FREM2: variants seen among roughly 807,000 people sequenced by gnomAD.
The protein encoded by FREM2 is FRAS1-related extracellular matrix protein 2.
In FREM2, 119 loss-of-function variants were observed where a neutral mutation model predicts 219.9. The observed-to-expected ratio is 0.54, with a 90% CI of 0.47 to 0.63. The LOEUF (loss-of-function observed/expected upper bound fraction) is 0.63. FREM2 is among the 30% of genes least tolerant of loss of function. The pLI is 0.00. For synonymous variants in FREM2, 1,562 were observed against 1,522.8 expected, an observed-to-expected ratio of 1.03 and a Z score of -0.60; for missense variants, 4,030 against 3,993.6, an observed-to-expected ratio of 1.01 and a Z score of -0.25.
chr13:38,838,588 C>T (rs1315240278), intron 6 of FREM2, among the ~76,000 whole-genome samples: 1 of 152,204 alleles, frequency 6.6e-6, no homozygotes, highest in African/African-American at 2.4e-5. Context: ...CCATCACTTT[C>T]AGGTACACCA....
chr13:38,711,828 T>C (rs528233141), intron 2 of FREM2, among the ~76,000 whole-genome samples: 3 of 152,138 alleles, frequency 2.0e-5, no homozygotes, highest in Non-Finnish European at 4.4e-5. Flanking sequence ...AACACTTTGT[T>C]ATTAATATCC....
chr13:38,695,960 A>G (rs1052929934), intron 1 of FREM2, among the ~76,000 whole-genome samples: 12 of 152,182 alleles, frequency 7.9e-5, no homozygotes, highest in Admixed American at 2.6e-4. Flanking sequence ...AAAGATAACC[A>G]TACAGAAAGA....
At chr13:38,709,856 A>G (rs1459714373) in intron 2 of FREM2, among the ~76,000 whole-genome samples, 2 of 151,994 alleles carry the variant, frequency 1.3e-5, no homozygotes, top group Non-Finnish European at 2.9e-5. Flanking sequence ...TCTTAACATC[A>G]GTGATGGCCG....
At chr13:38,799,824 A>G (rs1874940860) in intron 6 of FREM2, among the ~76,000 whole-genome samples, 1 of 152,032 alleles carries the variant, frequency 6.6e-6, no homozygotes, top group Non-Finnish European at 1.5e-5. Flanking sequence ...TGCTTGGAAT[A>G]TCTTTTTCCT....
chr13:38,853,086 G>GGGAGGCCAAGGCGGGT (rs1877431340), intron 11 of FREM2, among the ~76,000 whole-genome samples: 2 of 151,932 alleles, frequency 1.3e-5, no homozygotes, highest in African/African-American at 4.8e-5. Flanking sequence ...CCAGCACTTT[G>GGGAGGCCAAGGCGGGT]GGAGGCCAAG....
chr13:38,884,426 T>C lies in FREM2; in HGVS notation c.*3639T>C, dbSNP rs1878658867. 6.6e-6 allele frequency: 1 copy of C among 152,228 alleles called. No individual in the cohort carries two copies. The highest frequency in any genetic ancestry group is 2.1e-4 in the South Asian group (1 of 4,838). The allele number at this position is 152,228 out of a possible 1,614,324, so 9.4% of individuals were successfully genotyped here. On this transcript the variant is annotated 3_prime_UTR_variant, in exon 24 of 24. Coordinates refer to ENST00000280481, the MANE Select transcript of FREM2 (RefSeq NM_207361.6). The stretch of plus-strand genomic sequence containing the variant: ...GAGCTAAATACAATGACATTTGCTT[T>C]TAAAAGGTGGATATTTTATTTCTGC...
intron 2 of FREM2, among the ~76,000 whole-genome samples, chr13:38,724,431 A>T (rs1287928833): frequency 1.3e-5 from 2 of 152,198 alleles, no homozygotes; most frequent in African/African-American, 4.8e-5. Context: ...GGGATGTGGT[A>T]TTAGATTTAA....
chr13:38,848,810 G>A, intron 8 of FREM2, 140 bp downstream of exon 8: 1 of 783,084 alleles, frequency 1.3e-6, no homozygotes, highest in Non-Finnish European at 2.0e-6. Context: ...TGTCGGGGTG[G>A]CTTAAATAAC....
chr13:38,859,165 G>A, intron 13 of FREM2, 122 bp from the exon 14 acceptor site: 1 of 928,988 alleles, frequency 1.1e-6, no homozygotes, highest in South Asian at 1.4e-5. Flanking sequence ...TTCGGAAGCT[G>A]TATAAACAGC....
chr13:38,722,122 A>G (rs1022271771), intron 2 of FREM2, among the ~76,000 whole-genome samples: 3 of 151,792 alleles, frequency 2.0e-5, no homozygotes, highest in African/African-American at 7.3e-5. Context: ...TGGGCTCAAG[A>G]GATCTTCCTG....
In FREM2 at chr13:38,692,162, T is replaced by C; in HGVS notation, c.4818T>C (p.His1606=). 1 of 1,614,186 alleles carries C rather than the reference T, an allele frequency of 6.2e-7. No individual in the cohort carries two copies. The highest frequency in any genetic ancestry group is 1.1e-5 in the South Asian group (1 of 91,074). The part of the protein sequence containing the change: ...DLNENLISYK[H]DGTESSEDSF... Reference sequence around the variant, plus strand: ...ATGAAAACTTAATCAGCTACAAACATGATGGCACTGAGTCAAGTGAAGATA... The same window carrying C: ...ATGAAAACTTAATCAGCTACAAACACGATGGCACTGAGTCAAGTGAAGATA... Residue 1606 remains histidine, a synonymous_variant, in exon 1 of 24, where the codon CAT becomes CAC. Coordinates refer to ENST00000280481, the MANE Select transcript of FREM2 (RefSeq NM_207361.6).
chr13:38,729,906 T>C (rs1871695362), intron 2 of FREM2, among the ~76,000 whole-genome samples: 1 of 152,236 alleles, frequency 6.6e-6, no homozygotes, highest in Non-Finnish European at 1.5e-5. Context: ...ACTTGATTTC[T>C]TCCATATTTT....
intron 16 of FREM2, among the ~76,000 whole-genome samples, chr13:38,866,592 G>A (rs1424241198): frequency 6.6e-6 from 1 of 151,894 alleles, no homozygotes; most frequent in Non-Finnish European, 1.5e-5. Flanking sequence ...CGCTTGAACT[G>A]GGAGGCGGAG....
chr13:38,866,941 T>G (rs1877991067), intron 16 of FREM2, among the ~76,000 whole-genome samples: 1 of 152,230 alleles, frequency 6.6e-6, no homozygotes. Flanking sequence ...TCTACTGTGT[T>G]CATTCTTCAA....
At chr13:38,732,604 C>G (rs1384410666) in intron 2 of FREM2, among the ~76,000 whole-genome samples, 1 of 152,182 alleles carries the variant, frequency 6.6e-6, no homozygotes, top group Non-Finnish European at 1.5e-5. Flanking sequence ...AAATCAGACA[C>G]AACTGGGTTG....
At chr13:38,840,733 C>T (rs867434319) in intron 6 of FREM2, among the ~76,000 whole-genome samples, 168 of 109,736 alleles carry the variant, frequency 1.5e-3, no homozygotes, top group African/African-American at 5.3e-3. Context: ...TATATATATA[C>T]ACACACACAC....
chr13:38,822,682 G>T (rs1379985025), intron 6 of FREM2, among the ~76,000 whole-genome samples: 1 of 151,960 alleles, frequency 6.6e-6, no homozygotes, highest in South Asian at 2.1e-4. Flanking sequence ...CTGTGATGTT[G>T]GTCCTCAACA....
rs369588914 is a variant in FREM2, at chr13:38,692,438, T to C, written c.5094T>C (p.Phe1698=). 72 of 1,613,794 alleles carry C rather than the reference T, an allele frequency of 4.5e-5. No individual in the cohort carries two copies. The highest frequency in any genetic ancestry group is 5.9e-5 in the Non-Finnish European group (70 of 1,179,968). ...DRDSLHISLR[F]IVTEAPQHGY... is the part of the protein sequence containing the mutation. ...ACAGCTTACACATTTCTCTTAGATT[T>C]ATCGTGACAGAGGCCCCTCAACATG... Residue 1698 remains phenylalanine, a synonymous_variant, in exon 1 of 24, where the codon TTT becomes TTC. Coordinates refer to ENST00000280481, the MANE Select transcript of FREM2 (RefSeq NM_207361.6).
intron 18 of FREM2, among the ~76,000 whole-genome samples, chr13:38,874,949 C>G (rs529119333): frequency 2.0e-5 from 3 of 152,174 alleles, no homozygotes; most frequent in African/African-American, 7.2e-5. Context: ...GCAAGCACTT[C>G]TCTTTTCACA....
Sources: gnomAD v4.1 joint callset for allele counts (sites outside exome capture counted in the v4.1 genomes callset) on GRCh38, gnomAD v4.1.1 for gene constraint, MANE v1.5 for transcripts, NCBI Gene and HGNC (gene_info 2026-07-23, HGNC 2026-07-21) for gene names.